KLHL4: variants seen among roughly 807,000 people sequenced by gnomAD.
The protein encoded by KLHL4 is kelch-like protein 4.
A neutral mutation model predicts 45.8 loss-of-function variants in KLHL4; 17 were observed. The ratio of observed to expected loss-of-function variants is 0.37; its 90% CI spans 0.25 to 0.56. The LOEUF (loss-of-function observed/expected upper bound fraction) is 0.56, where lower values mean the gene tolerates loss of function less well. Ranked by LOEUF, KLHL4 falls within the 20% of genes least tolerant of loss-of-function variation. KLHL4 has a pLI of 0.79. For synonymous variants in KLHL4, 224 were observed against 189.9 expected (o/e 1.18, Z -1.47); for missense variants, 544 against 544.9 (o/e 1.00, Z 0.02).
chrX:87,651,690 C>A (rs941123746), intron 9 of KLHL4, among the ~76,000 whole-genome samples: 4 of 112,520 alleles, frequency 3.6e-5, no homozygotes, highest in African/African-American at 1.3e-4. Context: ...TGGTCTTGGG[C>A]AGCTCTGGCC....
chrX:87,533,356 A>G (rs1247054382), intron 1 of KLHL4, among the ~76,000 whole-genome samples: 9 of 96,775 alleles, frequency 9.3e-5, no homozygotes, highest in African/African-American at 3.8e-5. Context: ...CATATACACC[A>G]TGGAATACTA....
intron 1 of KLHL4, among the ~76,000 whole-genome samples, chrX:87,588,271 T>C (rs1445299710): frequency 8.9e-6 from 1 of 111,832 alleles, no homozygotes; most frequent in African/African-American, 3.2e-5. Context: ...ACCAATTACA[T>C]TATTCACAGA....
At chrX:87,571,309 C>A (rs1288012965) in intron 1 of KLHL4, among the ~76,000 whole-genome samples, 2 of 110,742 alleles carry the variant, frequency 1.8e-5, no homozygotes, top group Non-Finnish European at 3.8e-5. Context: ...TTTTACCTTA[C>A]TACAACAAAA....
At chrX:87,554,938 A>G (rs1931934677) in intron 1 of KLHL4, among the ~76,000 whole-genome samples, 1 of 106,278 alleles carries the variant, frequency 9.4e-6, no homozygotes, top group Non-Finnish European at 1.9e-5. Context: ...GTGTTGTTGA[A>G]TTTTGTCAAA....
At chrX:87,659,113 C>CTTTTTTTTTT (rs1178733729) in intron 9 of KLHL4, among the ~76,000 whole-genome samples, 12 of 45,099 alleles carry the variant, frequency 2.7e-4, no homozygotes, top group East Asian at 7.2e-4. Context: ...TCTTTTCTTT[C>CTTTTTTTTTT]TTTTTTTTTT....
rs959067722 is a variant in KLHL4, at chrX:87,635,572, T to A, written c.1722T>A (p.Ala574=). Residue 574 remains alanine, a synonymous_variant, in exon 9 of 11, where the codon GCT becomes GCA. Coordinates refer to ENST00000373119, the MANE Select transcript of KLHL4 (RefSeq NM_019117.5). ...CTGTCTTTTTATCTAGATTATATGCTATTGGTGGACGTGATGGAAGTTCCT... is the reference window on the plus strand; with the variant it reads ...CTGTCTTTTTATCTAGATTATATGCAATTGGTGGACGTGATGGAAGTTCCT... The part of the protein sequence containing the change: ...GVVALNNKLY[A]IGGRDGSSCL... The A allele has an allele frequency of 7.5e-6, 9 of 1,204,840 alleles. No individual in the cohort carries two copies. In the African/African-American group the frequency reaches 1.6e-4, roughly 21 times the overall value.
chrX:87,577,685 C>T (rs1921142280), intron 1 of KLHL4, among the ~76,000 whole-genome samples: 1 of 111,486 alleles, frequency 9.0e-6, no homozygotes, highest in African/African-American at 3.3e-5. Flanking sequence ...TGACAGTAAG[C>T]TGCACATTTG....
At chrX:87,602,816 T>A (rs2147806820) in intron 1 of KLHL4, among the ~76,000 whole-genome samples, 1 of 112,099 alleles carries the variant, frequency 8.9e-6, no homozygotes, top group Non-Finnish European at 1.9e-5. Flanking sequence ...ACTTGAATCC[T>A]GTCTGCTGTT....
At chrX:87,561,755 A>T (rs1250903503) in intron 1 of KLHL4, among the ~76,000 whole-genome samples, 2 of 109,676 alleles carry the variant, frequency 1.8e-5, no homozygotes, top group African/African-American at 6.6e-5. Context: ...CTTATGCTTG[A>T]GGTAGGGAAA....
chrX:87,626,264 G>A (rs748039855), intron 6 of KLHL4, among the ~76,000 whole-genome samples: 5 of 111,349 alleles, frequency 4.5e-5, no homozygotes, highest in South Asian at 3.8e-4. Flanking sequence ...CCGGAAACGC[G>A]AGACAACTCA....
intron 9 of KLHL4, among the ~76,000 whole-genome samples, chrX:87,643,180 C>T (rs1385925836): frequency 9.0e-6 from 1 of 111,336 alleles, no homozygotes; most frequent in Non-Finnish European, 1.9e-5. Context: ...GCAAGATTAA[C>T]CAAGAAAAGA....
chrX:87,575,349 C>A (rs1921065476), intron 1 of KLHL4, among the ~76,000 whole-genome samples: 1 of 111,280 alleles, frequency 9.0e-6, no homozygotes, highest in African/African-American at 3.3e-5. Context: ...TTGTGCACTC[C>A]TTATGAGAAT....
Position 87,518,119 on chromosome X carries a change from C to T in KLHL4, c.226C>T (p.Pro76Ser), listed in dbSNP as rs1402327780. The change falls in exon 1 of 11, where the codon CCA (proline) becomes TCA (serine). Residue 76 changes from proline to serine, a missense_variant. Pro to Ser is a moderately conservative substitution (Grantham distance 74). Transcript: ENST00000373119. ...NSPVHHNILA[P>S]VPGPAPAHQR... ...TCCTGTCCACCACAATATACTGGCA[C>T]CAGTGCCAGGACCGGCCCCTGCCCA... 1 of 1,210,194 alleles carries T rather than the reference C, an allele frequency of 8.3e-7. No homozygotes were observed. Among genetic ancestry groups the T allele is most frequent in the African/African-American group, 1.7e-5 (1 of 57,264 alleles).
chrX:87,550,979 A>C (rs1158138803), intron 1 of KLHL4, among the ~76,000 whole-genome samples: 3 of 111,208 alleles, frequency 2.7e-5, no homozygotes, highest in Non-Finnish European at 5.7e-5. Context: ...ACTCCTCTTC[A>C]ACATAGTACT....
At chrX:87,523,396 A>C (rs991090947) in intron 1 of KLHL4, among the ~76,000 whole-genome samples, 4 of 111,725 alleles carry the variant, frequency 3.6e-5, no homozygotes, top group African/African-American at 1.3e-4. Flanking sequence ...AACCGAAATC[A>C]AGGAGGAGCA....
intron 1 of KLHL4, among the ~76,000 whole-genome samples, chrX:87,545,092 T>A (rs1017892577): frequency 8.9e-6 from 1 of 112,409 alleles, no homozygotes; most frequent in Non-Finnish European, 1.9e-5. Context: ...TCACATAAAT[T>A]TAGCAGATAT....
rs1849078798 is a variant in KLHL4 at position 87,518,285 on chromosome X, C to T, written c.392C>T (p.Ala131Val). 1 of 1,208,917 alleles carries T rather than the reference C, an allele frequency of 8.3e-7. No homozygotes were observed. Among genetic ancestry groups the T allele is most frequent in the Admixed American group, 2.2e-5 (1 of 45,681 alleles). Residue 131 changes from alanine to valine, a missense_variant, in exon 1 of 11, where the codon GCT (alanine) becomes GTT (valine). By Grantham distance (64) the Ala-to-Val change is moderately conservative. Transcript: ENST00000373119. ...EKRAQDLEMMADDNIEDSTAR... is the reference protein window; with the variant it reads ...EKRAQDLEMMVDDNIEDSTAR... ...CGCGCACAAGATTTGGAGATGATGGCTGATGACAATATAGAAGATTCTACA... is the reference window on the plus strand; with the variant it reads ...CGCGCACAAGATTTGGAGATGATGGTTGATGACAATATAGAAGATTCTACA...
At chrX:87,577,002 TA>T (rs1256804230) in intron 1 of KLHL4, among the ~76,000 whole-genome samples, 3 of 111,941 alleles carry the variant, frequency 2.7e-5, no homozygotes, top group Non-Finnish European at 5.6e-5. Flanking sequence ...TGGTATTGAT[TA>T]AAACTTCATG....
intron 1 of KLHL4, among the ~76,000 whole-genome samples, chrX:87,599,177 A>G (rs1043442387): frequency 5.4e-5 from 6 of 110,462 alleles, no homozygotes; most frequent in African/African-American, 1.6e-4. Flanking sequence ...TTGTCTTTCC[A>G]TAAATATGTG....
Sources: gnomAD v4.1 joint callset for allele counts (sites outside exome capture counted in the v4.1 genomes callset) on GRCh38, gnomAD v4.1.1 for gene constraint, MANE v1.5 for transcripts, NCBI Gene and HGNC (gene_info 2026-07-23, HGNC 2026-07-21) for gene names.